PPP3CC: variants seen among roughly 807,000 people sequenced by gnomAD.
PPP3CC encodes the protein serine/threonine-protein phosphatase 2B catalytic subunit gamma isoform.
In PPP3CC, 35 loss-of-function variants were observed where a neutral mutation model predicts 60.3. The ratio of observed to expected loss-of-function variants is 0.58; its 90% CI spans 0.44 to 0.77. PPP3CC has a LOEUF of 0.77. Among genes scored for constraint, PPP3CC ranks in the 30% least tolerant of loss-of-function variants. PPP3CC has a pLI of 0.00. For synonymous variants in PPP3CC, 206 were observed against 224.3 expected (o/e 0.92, Z 0.73); for missense variants, 570 against 628.9 (o/e 0.91, Z 1.00).
chr8:22,441,754 C>A (rs1375166700), intron 1 of PPP3CC, among the ~76,000 whole-genome samples: 2 of 151,096 alleles, frequency 1.3e-5, no homozygotes, highest in Non-Finnish European at 3.0e-5. Flanking sequence ...CTTTTTTTCT[C>A]TTTAAGAAAC....
intron 1 of PPP3CC, among the ~76,000 whole-genome samples, chr8:22,447,708 A>C (rs1464943923): frequency 1.3e-5 from 2 of 152,178 alleles, no homozygotes; most frequent in Non-Finnish European, 2.9e-5. Flanking sequence ...TATCTTTCTT[A>C]GTTACCCTTA....
intron 5 of PPP3CC, 48 bp downstream of exon 5, chr8:22,511,279 T>A: frequency 6.4e-7 from 1 of 1,566,986 alleles, no homozygotes; most frequent in African/African-American, 1.4e-5. Context: ...TAAAATGTGT[T>A]GGGTTTTTTT....
intron 1 of PPP3CC, among the ~76,000 whole-genome samples, chr8:22,468,753 G>A (rs1021583082): frequency 2.0e-5 from 3 of 152,004 alleles, no homozygotes; most frequent in African/African-American, 7.2e-5. Flanking sequence ...ATTGGTGACG[G>A]GCCATTTTTC....
chr8:22,485,898 T>A (rs1838209216), intron 3 of PPP3CC, among the ~76,000 whole-genome samples: 1 of 152,138 alleles, frequency 6.6e-6, no homozygotes, highest in Non-Finnish European at 1.5e-5. Context: ...GATTGGTGAG[T>A]GATGGCAGTG....
Position 22,511,147 on chromosome 8 carries a change from T to C in PPP3CC, c.546T>C (p.Pro182=), listed in dbSNP as rs775117935. The C allele has an allele frequency of 6.2e-7, 1 of 1,613,958 alleles. No individual in the cohort carries two copies. Among genetic ancestry groups the C allele is most frequent in the Non-Finnish European group, 8.5e-7 (1 of 1,179,804 alleles). ...GTATGGAGACATTTGACTGTCTTCC[T>C]CTTGCTGCCCTCTTAAACCAGCAGT... The part of the protein sequence containing the change: ...DACMETFDCL[P]LAALLNQQFL... The change falls in exon 5 of 14, where the codon CCT becomes CCC. Residue 182 remains proline, a synonymous_variant. Transcript: ENST00000240139.
At chr8:22,523,625 T>C in intron 8 of PPP3CC, 1 of 449,034 alleles carries the variant, frequency 2.2e-6, no homozygotes, top group Non-Finnish European at 4.5e-6. Flanking sequence ...GGAACTCCTC[T>C]TTTGGCATTG....
chr8:22,472,163 A>C (rs1837741775), intron 1 of PPP3CC, among the ~76,000 whole-genome samples: 1 of 151,992 alleles, frequency 6.6e-6, no homozygotes, highest in South Asian at 2.1e-4. Flanking sequence ...AATATATTAA[A>C]CTTAGCTTAC....
intron 3 of PPP3CC, among the ~76,000 whole-genome samples, chr8:22,487,639 AT>A (rs1838264819): frequency 6.6e-6 from 1 of 152,032 alleles, no homozygotes; most frequent in Admixed American, 6.6e-5. Context: ...GAAAAAAAAA[AT>A]AAAAACAAAG....
intron 1 of PPP3CC, among the ~76,000 whole-genome samples, chr8:22,462,700 AGCTGGGACTACAG>A (rs545862372): frequency 1.3e-5 from 2 of 151,876 alleles, no homozygotes; most frequent in East Asian, 3.9e-4. Flanking sequence ...CCTCCTGAGT[AGCTGGGACTACAG>A]GCACCCGCCA....
At chr8:22,522,822 A>G (rs766248181) in intron 8 of PPP3CC, 73 bp downstream of exon 8, 2 of 1,086,038 alleles carry the variant, frequency 1.8e-6, no homozygotes. Context: ...GTATGTACGT[A>G]TGTGTGTTTG....
At chr8:22,528,399 T>C in intron 9 of PPP3CC, 107 bp from the exon 10 acceptor site, 1 of 562,274 alleles carries the variant, frequency 1.8e-6, no homozygotes, top group Non-Finnish European at 2.9e-6. Context: ...TGATAAATAA[T>C]TTTTGCTTAT....
chr8:22,499,250 T>C (rs1233610056), intron 4 of PPP3CC, among the ~76,000 whole-genome samples: 2 of 149,204 alleles, frequency 1.3e-5, no homozygotes, highest in African/African-American at 5.0e-5. Context: ...CCATCCTGGC[T>C]AACAAGGTGA....
At chr8:22,464,155 G>T (rs1042591097) in intron 1 of PPP3CC, among the ~76,000 whole-genome samples, 1 of 151,864 alleles carries the variant, frequency 6.6e-6, no homozygotes, top group Non-Finnish European at 1.5e-5. Flanking sequence ...CTTATGATTT[G>T]TGAGGTTTTT....
At chr8:22,445,837 T>A (rs1026355171) in intron 1 of PPP3CC, among the ~76,000 whole-genome samples, 9 of 152,254 alleles carry the variant, frequency 5.9e-5, no homozygotes, top group Non-Finnish European at 1.0e-4. Flanking sequence ...CCATTGTGAT[T>A]AACAAGCTGC....
At chr8:22,502,727 C>T (rs1018828377) in intron 4 of PPP3CC, among the ~76,000 whole-genome samples, 6 of 152,084 alleles carry the variant, frequency 3.9e-5, no homozygotes, top group Non-Finnish European at 7.4e-5. Flanking sequence ...ATAATATGTA[C>T]TGATATGGAG....
chr8:22,470,446 C>T (rs1315800106), intron 1 of PPP3CC, among the ~76,000 whole-genome samples: 1 of 151,946 alleles, frequency 6.6e-6, no homozygotes, highest in African/African-American at 2.4e-5. Context: ...TCAATTATGT[C>T]ATAATGATAA....
Position 22,441,293 on chromosome 8 carries a change from C to T in PPP3CC, c.-117C>T, listed in dbSNP as rs1836657964. 2.9e-6 allele frequency: 3 copies of T among 1,018,288 alleles called. No individual in the cohort carries two copies. The highest frequency in any genetic ancestry group is 4.1e-6 in the Non-Finnish European group (3 of 739,034). The allele number at this position is 1,018,288 out of a possible 1,614,324, so 63.1% of individuals were successfully genotyped here. On this transcript the variant is annotated 5_prime_UTR_variant, in exon 1 of 14. Transcript: ENST00000240139. Reference sequence around the variant, plus strand: ...CTCGGACACCGCTGAGGAGCCGGGGCCGGGCACGGCTGGCTGACGGCTCCG... The same window carrying T: ...CTCGGACACCGCTGAGGAGCCGGGGTCGGGCACGGCTGGCTGACGGCTCCG...
chr8:22,489,650 A>AATAAGTATATATTATAT (rs71546813), intron 3 of PPP3CC, among the ~76,000 whole-genome samples: 7,135 of 93,694 alleles, frequency 0.076, 995 homozygotes, highest in African/African-American at 0.24. Flanking sequence ...TATAATATAC[A>AATAAGTATATATTATAT]ATAAGTATAT....
At chr8:22,487,986 C>T (rs935579469) in intron 3 of PPP3CC, among the ~76,000 whole-genome samples, 3 of 152,066 alleles carry the variant, frequency 2.0e-5, no homozygotes, top group Admixed American at 6.5e-5. Context: ...CAGTTGCATC[C>T]TGATGTATAA....
Sources: gnomAD v4.1 joint callset for allele counts (sites outside exome capture counted in the v4.1 genomes callset) on GRCh38, gnomAD v4.1.1 for gene constraint, MANE v1.5 for transcripts, NCBI Gene and HGNC (gene_info 2026-07-23, HGNC 2026-07-21) for gene names.